The following PCED1B variants were observed in gnomAD, a reference collection of about 807,000 sequenced individuals.
PCED1B encodes the protein PC-esterase domain-containing protein 1B.
For synonymous variants in PCED1B, 251 were observed against 246.1 expected, an observed-to-expected ratio of 1.02 and a Z score of -0.19; for missense variants, 573 against 573.9, an observed-to-expected ratio of 1.00 and a Z score of 0.02.
At chr12:47,105,788 A>C (rs547732523) in intron 2 of PCED1B, among the ~76,000 whole-genome samples, 63 of 152,306 alleles carry the variant, frequency 4.1e-4, no homozygotes, top group African/African-American at 1.5e-3. Flanking sequence ...AGTTACAAGG[A>C]GAAAGAGTGA....
At chr12:47,101,210 T>C (rs1938693344) in intron 1 of PCED1B, among the ~76,000 whole-genome samples, 1 of 152,200 alleles carries the variant, frequency 6.6e-6, no homozygotes, top group Non-Finnish European at 1.5e-5. Flanking sequence ...TTATTATTAT[T>C]ATCTATACCA....
chr12:47,134,835 T>TA (rs922651758), intron 2 of PCED1B, among the ~76,000 whole-genome samples: 21 of 152,238 alleles, frequency 1.4e-4, no homozygotes, highest in African/African-American at 5.1e-4. Context: ...GCCACTGCAC[T>TA]ACAGCCTGGT....
At chr12:47,155,423 A>G (rs1290286741) in intron 2 of PCED1B, among the ~76,000 whole-genome samples, 2 of 152,234 alleles carry the variant, frequency 1.3e-5, no homozygotes, top group East Asian at 3.8e-4. Flanking sequence ...TTGATGAAAT[A>G]TGATATGTAA....
At chr12:47,146,593 A>C (rs1315971535) in intron 2 of PCED1B, among the ~76,000 whole-genome samples, 3 of 152,234 alleles carry the variant, frequency 2.0e-5, no homozygotes, top group Non-Finnish European at 2.9e-5. Flanking sequence ...GCAAGACCCT[A>C]TACCGGCAAA....
At chr12:47,185,557 C>T (rs772445520) in intron 2 of PCED1B, among the ~76,000 whole-genome samples, 6 of 151,640 alleles carry the variant, frequency 4.0e-5, no homozygotes, top group Middle Eastern at 3.4e-3. Context: ...GGAAGGCTGA[C>T]GGGGGTGGAT....
intron 1 of PCED1B, among the ~76,000 whole-genome samples, chr12:47,082,505 A>C (rs1937788664): frequency 6.6e-6 from 1 of 151,756 alleles, no homozygotes; most frequent in Admixed American, 6.6e-5. Context: ...TTTCCACCCC[A>C]CCCCCTTTTT....
chr12:47,098,547 A>G (rs1938573509), intron 1 of PCED1B, among the ~76,000 whole-genome samples: 1 of 152,176 alleles, frequency 6.6e-6, no homozygotes, highest in Non-Finnish European at 1.5e-5. Context: ...CAGTGGCACA[A>G]TCTGGGCTCA....
intron 1 of PCED1B, among the ~76,000 whole-genome samples, chr12:47,089,193 A>G (rs2137163024): frequency 6.6e-6 from 1 of 152,170 alleles, no homozygotes; most frequent in East Asian, 1.9e-4. Context: ...CTGTAATCCC[A>G]GCACTTTGGG....
At chr12:47,181,030 C>T (rs1942078126) in intron 2 of PCED1B, among the ~76,000 whole-genome samples, 1 of 150,576 alleles carries the variant, frequency 6.6e-6, no homozygotes. Context: ...AAGTCTCACT[C>T]TGTAAGTGCA....
intron 2 of PCED1B, among the ~76,000 whole-genome samples, chr12:47,108,931 C>T (rs1276853400): frequency 1.3e-5 from 2 of 152,186 alleles, no homozygotes; most frequent in African/African-American, 4.8e-5. Context: ...CTTCGGGGCA[C>T]ACACCAACTT....
chr12:47,178,237 T>C (rs1049932424), intron 2 of PCED1B, among the ~76,000 whole-genome samples: 2 of 152,158 alleles, frequency 1.3e-5, no homozygotes, highest in African/African-American at 4.8e-5. Flanking sequence ...ACAGTGGTGG[T>C]TGGCTGTGGT....
At chr12:47,229,190 G>A (rs549124680) in intron 3 of PCED1B, among the ~76,000 whole-genome samples, 1 of 152,122 alleles carries the variant, frequency 6.6e-6, no homozygotes, top group South Asian at 2.1e-4. Context: ...GAGGAGGGTG[G>A]ATCACCTGAG....
At chr12:47,093,078 T>G (rs1938333589) in intron 1 of PCED1B, among the ~76,000 whole-genome samples, 8 of 152,042 alleles carry the variant, frequency 5.3e-5, no homozygotes, top group Admixed American at 5.2e-4. Context: ...TAATTTTTCC[T>G]TAAGTGTTTG....
intron 2 of PCED1B, among the ~76,000 whole-genome samples, chr12:47,123,662 A>G (rs1565761674): frequency 6.6e-6 from 1 of 152,066 alleles, no homozygotes; most frequent in Non-Finnish European, 1.5e-5. Context: ...CAAAAGTTGA[A>G]TATGCATATT....
intron 3 of PCED1B, among the ~76,000 whole-genome samples, chr12:47,219,962 A>G (rs2137825733): frequency 6.6e-6 from 1 of 151,682 alleles, no homozygotes; most frequent in African/African-American, 2.4e-5. Context: ...AGTCCCAACT[A>G]CCTAGGAGGC....
chr12:47,145,552 C>T (rs59727019), intron 2 of PCED1B, among the ~76,000 whole-genome samples: 1 of 152,058 alleles, frequency 6.6e-6, no homozygotes, highest in Non-Finnish European at 1.5e-5. Context: ...TTTTAGGTAC[C>T]GATGCAACTG....
chr12:47,161,519 A>G (rs926104905), intron 2 of PCED1B, among the ~76,000 whole-genome samples: 7 of 152,178 alleles, frequency 4.6e-5, no homozygotes, highest in Non-Finnish European at 7.3e-5. Flanking sequence ...ATCCTTTTAT[A>G]TTAGTCTGTT....
intron 2 of PCED1B, among the ~76,000 whole-genome samples, chr12:47,130,237 T>C (rs1462690704): frequency 1.3e-5 from 2 of 152,212 alleles, no homozygotes; most frequent in Non-Finnish European, 2.9e-5. Flanking sequence ...TCACTTAATA[T>C]ATTTTACACA....
intron 2 of PCED1B, among the ~76,000 whole-genome samples, chr12:47,127,432 G>A (rs563940022): frequency 3.4e-5 from 5 of 145,700 alleles, no homozygotes; most frequent in Non-Finnish European, 4.5e-5. Context: ...GCAGCAGTAC[G>A]ATCTTGGCTC....
Sources: allele counts gnomAD v4.1 joint callset (sites outside exome capture counted in the v4.1 genomes callset), GRCh38; gene constraint gnomAD v4.1.1; transcripts MANE v1.5; gene names NCBI Gene and HGNC (gene_info 2026-07-23, HGNC 2026-07-21).